ST3GAL6: variants seen among roughly 807,000 people sequenced by gnomAD.
ST3GAL6 encodes ST3 beta-galactoside alpha-2,3-sialyltransferase 6.
A neutral mutation model predicts 40.5 loss-of-function variants in ST3GAL6; 31 were observed. That is an observed-to-expected ratio of 0.77 (90% CI 0.58 to 1.03). ST3GAL6 has a LOEUF of 1.03. Among genes scored for constraint, ST3GAL6 ranks in the 50% least tolerant of loss-of-function variants. ST3GAL6 has a pLI of 0.00. For synonymous variants in ST3GAL6, 129 were observed against 136.9 expected, an observed-to-expected ratio of 0.94 and a Z score of 0.40; for missense variants, 357 against 393.2, an observed-to-expected ratio of 0.91 and a Z score of 0.78.
Position 98,742,062 on chromosome 3 carries a change from C to A in ST3GAL6, c.-12+9530C>A, listed in dbSNP as rs148016057. Among the ~76,000 whole-genome samples the A allele has an allele frequency of 8.5e-5, 13 of 152,298 alleles. 1 individual carries two copies. The highest frequency in any genetic ancestry group is 3.4e-3 in the Middle Eastern group (1 of 294). On this transcript the variant is annotated intron_variant, in intron 1 of 9. Coordinates refer to the ST3GAL6 transcript ENST00000265261. ...TACACAGTAGAAAGCCAAGTGCTTTCTATTCACAGCTTCATTTTACACAAT... is the reference window on the plus strand; with the variant it reads ...TACACAGTAGAAAGCCAAGTGCTTTATATTCACAGCTTCATTTTACACAAT...
chr3:98,764,594 G>A (rs1576077477), intron 1 of ST3GAL6, among the ~76,000 whole-genome samples: 1 of 152,208 alleles, frequency 6.6e-6, no homozygotes, highest in Admixed American at 6.5e-5. Flanking sequence ...ACTTGTGAAA[G>A]CTCACATCTA....
intron 8 of ST3GAL6, among the ~76,000 whole-genome samples, chr3:98,790,030 A>G (rs1441547709): frequency 1.3e-5 from 2 of 152,222 alleles, no homozygotes; most frequent in Non-Finnish European, 2.9e-5. Context: ...ATATATATTA[A>G]CAAGAAAGAA....
chr3:98,763,078 A>G (rs1038261087), upstream of ST3GAL6: 36 of 985,274 alleles, frequency 3.7e-5, no homozygotes, highest in Non-Finnish European at 4.3e-5. Context: ...TCCATTCATC[A>G]CTGTGGAGTC....
chr3:98,762,818 TA>T, upstream of ST3GAL6: 2 of 985,452 alleles, frequency 2.0e-6, no homozygotes, highest in Non-Finnish European at 2.4e-6. Flanking sequence ...CTCTGGGTAT[TA>T]AACATATCTA....
At position 98,788,265 on chromosome 3, in the gene ST3GAL6, CT is replaced by C. The variant is rs746194637; in HGVS notation, c.618+50del. 1.0e-5 allele frequency: 16 copies of C among 1,588,646 alleles called. No homozygotes were observed. The African/African-American group carries it at 1.4e-4, about 14-fold the overall frequency. ...TTCTGCCTTCAGATTACCTTTAGTG[CT>C]TTTTTTCCTTAAAAAACAGACAGCC... On this transcript the variant is annotated intron_variant, in intron 7 of 9. Coordinates refer to ENST00000483910, the MANE Select transcript of ST3GAL6 (RefSeq NM_001323368.2).
At chr3:98,740,326 C>T in intron 1 of ST3GAL6, among the ~76,000 whole-genome samples, 1 of 129,554 alleles carries the variant, frequency 7.7e-6, no homozygotes, top group African/African-American at 3.1e-5. Flanking sequence ...TATATTCAAG[C>T]TCTCTATGAC....
chr3:98,786,858 C>T (rs894869705), intron 6 of ST3GAL6, among the ~76,000 whole-genome samples: 3 of 151,866 alleles, frequency 2.0e-5, no homozygotes, highest in Non-Finnish European at 4.4e-5. Context: ...GTGGTTACAA[C>T]TACCAAGAGT....
chr3:98,735,612 C>G (rs954752216), intron 1 of ST3GAL6, among the ~76,000 whole-genome samples: 1 of 152,160 alleles, frequency 6.6e-6, no homozygotes, highest in African/African-American at 2.4e-5. Context: ...CTATATGTTA[C>G]CTGGAAGAGG....
chr3:98,738,274 C>A (rs1032848688), intron 1 of ST3GAL6, among the ~76,000 whole-genome samples: 2 of 151,754 alleles, frequency 1.3e-5, no homozygotes, highest in Admixed American at 1.3e-4. Flanking sequence ...TCAGGTATTT[C>A]TTTCTTTCTT....
At chr3:98,787,429 T>C (rs1351539365) in intron 6 of ST3GAL6, among the ~76,000 whole-genome samples, 1 of 152,230 alleles carries the variant, frequency 6.6e-6, no homozygotes, top group Non-Finnish European at 1.5e-5. Flanking sequence ...GCATAAATAG[T>C]GCATGTCCAA....
At chr3:98,752,059 C>G (rs1306824577) in intron 1 of ST3GAL6, among the ~76,000 whole-genome samples, 2 of 151,872 alleles carry the variant, frequency 1.3e-5, no homozygotes, top group Non-Finnish European at 2.9e-5. Flanking sequence ...GCAGAAAAAC[C>G]CCACCTTCAT....
intron 1 of ST3GAL6, among the ~76,000 whole-genome samples, chr3:98,756,164 G>T (rs989165447): frequency 5.9e-5 from 9 of 152,146 alleles, no homozygotes; most frequent in Admixed American, 2.6e-4. Context: ...GTTCTGAAAG[G>T]CAGGCAATAA....
At chr3:98,741,703 A>G (rs754923590) in intron 1 of ST3GAL6, among the ~76,000 whole-genome samples, 5 of 152,210 alleles carry the variant, frequency 3.3e-5, no homozygotes, top group Non-Finnish European at 7.3e-5. Context: ...TAAACAATTT[A>G]TAACAGGTAA....
In ST3GAL6 at chr3:98,788,095, G is replaced by A. The variant is rs781044899; in HGVS notation, c.491G>A (p.Arg164Gln). 5.0e-6 allele frequency: 8 copies of A among 1,613,824 alleles called. No individual in the cohort carries two copies. The highest frequency in any genetic ancestry group is 1.3e-5 in the African/African-American group (1 of 74,902). ...GAAGTTGGGAGAAGGACAACCTTCC[G>A]ACTTTTTTATCCAGAATCTGTTTTT... ...EEEVGRRTTFRLFYPESVFSD... is the reference protein window; with the variant it reads ...EEEVGRRTTFQLFYPESVFSD... Residue 164 changes from arginine to glutamine, a missense_variant, in exon 7 of 10, where the codon CGA becomes CAA. By Grantham distance (43) the Arg-to-Gln change is conservative. Coordinates refer to ENST00000483910, the MANE Select transcript of ST3GAL6 (RefSeq NM_001323368.2).
At chr3:98,788,289 GCC>G (rs746721120) in intron 7 of ST3GAL6, 35 bp from the exon 8 acceptor site, 29 of 1,577,124 alleles carry the variant, frequency 1.8e-5, no homozygotes, top group South Asian at 1.6e-4. Flanking sequence ...AAAACAGACA[GCC>G]ACACTGTTCT....
intron 5 of ST3GAL6, chr3:98,783,043 C>T (rs1940320714): frequency 3.5e-6 from 1 of 284,520 alleles, no homozygotes; most frequent in Non-Finnish European, 6.9e-6. Context: ...CATCCCCTCC[C>T]TGAATGTTAC....
At chr3:98,733,949 G>A (rs932008649) in intron 1 of ST3GAL6, among the ~76,000 whole-genome samples, 2 of 152,132 alleles carry the variant, frequency 1.3e-5, no homozygotes, top group Non-Finnish European at 2.9e-5. Context: ...GTCTAAAGTC[G>A]TAAGTCCCAT....
At position 98,776,422 on chromosome 3, in the gene ST3GAL6, C is replaced by T. The variant is rs1939552293; in HGVS notation, c.335+2439C>T. Among the ~76,000 whole-genome samples, 2 of 152,186 alleles carry T rather than the reference C, an allele frequency of 1.3e-5. 1 individual carries two copies. The highest frequency in any genetic ancestry group is 4.1e-4 in the South Asian group (2 of 4,826). Reference sequence around the variant, plus strand: ...CTGAGAACAGTCTTTCTTTCTCAGGCAGAGAATTTAGACTGCCTTTGGCAG... The same window carrying T: ...CTGAGAACAGTCTTTCTTTCTCAGGTAGAGAATTTAGACTGCCTTTGGCAG... On this transcript the variant is annotated intron_variant, in intron 5 of 9. Coordinates refer to ENST00000483910, the MANE Select transcript of ST3GAL6 (RefSeq NM_001323368.2).
At chr3:98,756,345 TACTA>T in intron 1 of ST3GAL6, 3 of 1,289,310 alleles carry the variant, frequency 2.3e-6, no homozygotes, top group Non-Finnish European at 3.0e-6. Flanking sequence ...CTTAGAAACA[TACTA>T]TCTTTATGTT....
Sources: gnomAD v4.1 joint callset for allele counts (sites outside exome capture counted in the v4.1 genomes callset) on GRCh38, gnomAD v4.1.1 for gene constraint, MANE v1.5 for transcripts, NCBI Gene and HGNC (gene_info 2026-07-23, HGNC 2026-07-21) for gene names.